PRKCB: variants seen among roughly 807,000 people sequenced by gnomAD.
The protein encoded by PRKCB is protein kinase C beta type.
Under a neutral mutation model 81.5 loss-of-function variants are expected in PRKCB, and 13 were observed. The observed-to-expected ratio is 0.16, with a 90% CI of 0.10 to 0.25. PRKCB has a LOEUF of 0.25. Ranked by LOEUF, PRKCB falls within the 10% of genes least tolerant of loss-of-function variation. PRKCB has a pLI of 1.00. For synonymous variants in PRKCB, 335 were observed against 321.4 expected, an observed-to-expected ratio of 1.04 and a Z score of -0.45; for missense variants, 509 against 875.7, an observed-to-expected ratio of 0.58 and a Z score of 5.29.
chr16:23,884,823 G>A (rs1963174023), intron 2 of PRKCB, among the ~76,000 whole-genome samples: 1 of 152,164 alleles, frequency 6.6e-6, no homozygotes, highest in Non-Finnish European at 1.5e-5. Flanking sequence ...TGACAGGTGT[G>A]AGCCACAATG....
intron 10 of PRKCB, among the ~76,000 whole-genome samples, chr16:24,170,829 C>T (rs76564549): frequency 6.6e-6 from 1 of 152,326 alleles, no homozygotes; most frequent in East Asian, 1.9e-4. Context: ...TGGGCACCTG[C>T]TATGTGCTAG....
chr16:23,979,568 A>C (rs1451268027), intron 2 of PRKCB, among the ~76,000 whole-genome samples: 1 of 152,088 alleles, frequency 6.6e-6, no homozygotes, highest in African/African-American at 2.4e-5. Context: ...GTCGGGGGGA[A>C]TGTACAGGAA....
chr16:24,034,642 C>A (rs1965590603), intron 4 of PRKCB, among the ~76,000 whole-genome samples: 1 of 152,208 alleles, frequency 6.6e-6, no homozygotes, highest in Non-Finnish European at 1.5e-5. Flanking sequence ...ATGGTGGACA[C>A]TATGGCCAGC....
At chr16:23,877,746 A>C (rs538202409) in intron 2 of PRKCB, among the ~76,000 whole-genome samples, 1 of 152,272 alleles carries the variant, frequency 6.6e-6, no homozygotes, top group South Asian at 2.1e-4. Context: ...CATCACACTT[A>C]GTATGTGTCA....
chr16:24,145,088 G>A (rs1184842357), intron 9 of PRKCB, among the ~76,000 whole-genome samples: 2 of 152,158 alleles, frequency 1.3e-5, no homozygotes, highest in African/African-American at 2.4e-5. Flanking sequence ...GGGTCACATT[G>A]GAGTGACCTG....
At chr16:24,172,418 TC>T (rs1967456693) in intron 11 of PRKCB, 57 bp downstream of exon 11, 2 of 1,487,250 alleles carry the variant, frequency 1.3e-6, no homozygotes, top group Non-Finnish European at 1.9e-6. Flanking sequence ...GGTTAGTGGT[TC>T]CTTTGAGGGT....
intron 3 of PRKCB, among the ~76,000 whole-genome samples, chr16:24,021,856 G>T (rs1231856677): frequency 1.3e-5 from 2 of 152,182 alleles, no homozygotes; most frequent in East Asian, 1.9e-4. Flanking sequence ...TCAGCACAGT[G>T]CTTGGCAGGT....
chr16:24,042,976 A>G (rs1483284894), intron 5 of PRKCB, among the ~76,000 whole-genome samples: 1 of 152,170 alleles, frequency 6.6e-6, no homozygotes, highest in Non-Finnish European at 1.5e-5. Context: ...GGTTCAAGCA[A>G]TCCTCCCACT....
chr16:23,971,962 A>G (rs1964562865), intron 2 of PRKCB, among the ~76,000 whole-genome samples: 2 of 152,196 alleles, frequency 1.3e-5, no homozygotes, highest in Admixed American at 1.3e-4. Flanking sequence ...ATGAATGAAT[A>G]AATTAAGACT....
At chr16:24,135,522 A>T (rs1399505753) in intron 9 of PRKCB, among the ~76,000 whole-genome samples, 2 of 152,016 alleles carry the variant, frequency 1.3e-5, no homozygotes, top group African/African-American at 4.8e-5. Context: ...CATGTTGGCC[A>T]GGCTGGTCTC....
intron 5 of PRKCB, among the ~76,000 whole-genome samples, chr16:24,079,339 C>G (rs1966220345): frequency 6.6e-6 from 1 of 152,208 alleles, no homozygotes; most frequent in African/African-American, 2.4e-5. Context: ...TGTTGCAAAA[C>G]CCTCAGAAGT....
intron 9 of PRKCB, among the ~76,000 whole-genome samples, chr16:24,141,126 A>G (rs1476404535): frequency 6.6e-6 from 1 of 152,206 alleles, no homozygotes; most frequent in Non-Finnish European, 1.5e-5. Flanking sequence ...ACTCTTGTTA[A>G]TGGACTCTTG....
chr16:24,106,000 CCTT>C (rs1278745302), intron 7 of PRKCB, among the ~76,000 whole-genome samples: 2 of 149,196 alleles, frequency 1.3e-5, no homozygotes, highest in Non-Finnish European at 3.0e-5. Flanking sequence ...TTTTTCATCT[CCTT>C]CTAAACAGAT....
intron 3 of PRKCB, among the ~76,000 whole-genome samples, chr16:23,990,786 C>T (rs1964876702): frequency 1.3e-5 from 2 of 152,060 alleles, no homozygotes; most frequent in African/African-American, 4.8e-5. Flanking sequence ...GGGCTGAAGC[C>T]CTCCTCCTAC....
At chr16:24,168,297 T>A (rs760916108) in intron 10 of PRKCB, among the ~76,000 whole-genome samples, 1 of 152,164 alleles carries the variant, frequency 6.6e-6, no homozygotes, top group Non-Finnish European at 1.5e-5. Flanking sequence ...CTTCAAATAC[T>A]GTATTGACTT....
At chr16:24,075,136 TTTAA>T (rs1567365499) in intron 5 of PRKCB, among the ~76,000 whole-genome samples, 2 of 149,204 alleles carry the variant, frequency 1.3e-5, no homozygotes, top group Non-Finnish European at 3.0e-5. Context: ...AAAAAAAAAA[TTTAA>T]TTAAAGAAAA....
At chr16:24,136,682 C>G (rs1966865904) in intron 9 of PRKCB, among the ~76,000 whole-genome samples, 1 of 152,010 alleles carries the variant, frequency 6.6e-6, no homozygotes, top group African/African-American at 2.4e-5. Flanking sequence ...CCAGGGATCC[C>G]TAGGATCCAA....
chr16:24,071,597 G>T (rs1966109039), intron 5 of PRKCB, among the ~76,000 whole-genome samples: 1 of 152,044 alleles, frequency 6.6e-6, no homozygotes, highest in Non-Finnish European at 1.5e-5. Context: ...ACTTGTGATT[G>T]GGGGTAAAGG....
intron 3 of PRKCB, among the ~76,000 whole-genome samples, chr16:24,021,040 C>CTTTCTTTCTTTT (rs1256784385): frequency 1.4e-5 from 1 of 72,304 alleles, no homozygotes; most frequent in Admixed American, 1.4e-4. Context: ...TTCTTTCTTT[C>CTTTCTTTCTTTT]TCTTTCTTTC....
Sources: allele counts gnomAD v4.1 joint callset (sites outside exome capture counted in the v4.1 genomes callset), GRCh38; gene constraint gnomAD v4.1.1; transcripts MANE v1.5; gene names NCBI Gene and HGNC (gene_info 2026-07-23, HGNC 2026-07-21).